SYNPO2: variants seen among roughly 807,000 people sequenced by gnomAD.
SYNPO2 encodes the protein synaptopodin 2.
SYNPO2 carries 56 observed loss-of-function variants against 85.0 expected under a neutral mutation model. The observed-to-expected ratio is 0.66, with a 90% CI of 0.53 to 0.82. SYNPO2 has a LOEUF of 0.82. Ranked by LOEUF, SYNPO2 falls within the 40% of genes least tolerant of loss-of-function variation. The probability of loss-of-function intolerance (pLI) is 0.00; values close to 1 mark genes in which losing one functional copy is unlikely to be tolerated. For synonymous variants in SYNPO2, 602 were observed against 591.1 expected (o/e 1.02, Z -0.27); for missense variants, 1,575 against 1,534.2 (o/e 1.03, Z -0.44).
chr4:119,013,291 T>A (rs1737401771), intron 1 of SYNPO2, among the ~76,000 whole-genome samples: 1 of 152,190 alleles, frequency 6.6e-6, no homozygotes, highest in Non-Finnish European at 1.5e-5. Context: ...GATGAAGCAG[T>A]TAAAGTTTGA....
At chr4:118,955,503 C>T (rs898791119) in intron 1 of SYNPO2, among the ~76,000 whole-genome samples, 5 of 152,030 alleles carry the variant, frequency 3.3e-5, no homozygotes, top group African/African-American at 4.8e-5. Context: ...TTGGGGTAAT[C>T]AGGGGAAGAT....
At chr4:119,020,488 T>A (rs1431328685) in intron 1 of SYNPO2, among the ~76,000 whole-genome samples, 1 of 152,180 alleles carries the variant, frequency 6.6e-6, no homozygotes, top group African/African-American at 2.4e-5. Flanking sequence ...GATTATTTAT[T>A]TTTAAAGAAT....
At chr4:119,035,136 G>C (rs1738454910) in intron 4 of SYNPO2, 1 of 985,424 alleles carries the variant, frequency 1.0e-6, no homozygotes, top group Non-Finnish European at 1.2e-6. Context: ...ACAGGCACTG[G>C]AATATAAATG....
chr4:119,032,666 A>G, intron 4 of SYNPO2: 1 of 985,538 alleles, frequency 1.0e-6, no homozygotes, highest in Non-Finnish European at 1.2e-6. Context: ...AGCACTTATT[A>G]TGTATTAGGT....
intron 4 of SYNPO2, chr4:119,043,091 G>GTTTTGTTTTT (rs2149197577): frequency 6.6e-6 from 1 of 152,556 alleles, no homozygotes; most frequent in South Asian, 2.1e-4. Context: ...GTTTTGTTTT[G>GTTTTGTTTTT]TTTTGTTTTT....
chr4:119,029,188 T>C (rs1210766902), intron 3 of SYNPO2, among the ~76,000 whole-genome samples: 1 of 152,118 alleles, frequency 6.6e-6, no homozygotes, highest in East Asian at 1.9e-4. Context: ...TAATGTCATA[T>C]TTTGAATTTT....
intron 1 of SYNPO2, among the ~76,000 whole-genome samples, chr4:118,990,811 G>GT (rs1224778786): frequency 1.3e-5 from 2 of 152,112 alleles, no homozygotes; most frequent in Non-Finnish European, 2.9e-5. Context: ...GTTTTACCAT[G>GT]TTGCCCAGGC....
At chr4:118,876,593 T>TTTCC (rs976343956) in intron 1 of SYNPO2, among the ~76,000 whole-genome samples, 4 of 152,038 alleles carry the variant, frequency 2.6e-5, no homozygotes, top group Non-Finnish European at 4.4e-5. Context: ...TTCAGATACT[T>TTTCC]TTCCTTCCCT....
At chr4:118,980,698 A>G (rs1014936721) in intron 1 of SYNPO2, among the ~76,000 whole-genome samples, 1 of 152,238 alleles carries the variant, frequency 6.6e-6, no homozygotes, top group Admixed American at 6.5e-5. Context: ...AGTAGCTGGA[A>G]AAGAAGCACA....
chr4:119,030,143 C>A lies in SYNPO2; in HGVS notation c.1368C>A (p.Asn456Lys). 1 of 1,614,102 alleles carries A rather than the reference C, an allele frequency of 6.2e-7. No individual in the cohort carries two copies. Among genetic ancestry groups the A allele is most frequent in the East Asian group, 2.2e-5 (1 of 44,870 alleles). ...AGTTATTGTCTGACGTTGACGACAACACACAAGTTGTGAACTTTGACTGGG... is the reference window on the plus strand; with the variant it reads ...AGTTATTGTCTGACGTTGACGACAAAACACAAGTTGTGAACTTTGACTGGG... ...DEELLSDVDD[N>K]TQVVNFDWDS... The change falls in exon 4 of 5, where the codon AAC (asparagine) becomes AAA (lysine). Residue 456 changes from asparagine (N) to lysine (K), a missense_variant. Asn to Lys is a moderately conservative substitution (Grantham distance 94, BLOSUM62 0). Transcript: ENST00000307142.
In SYNPO2 at chr4:119,027,387, C is replaced by T; in HGVS notation, c.1018C>T (p.Arg340Cys). ...AGGCACAGAGCAGGGAGAAGATCCACGCTCGGAAAAAGATCACAGCAGACC... is the reference window on the plus strand; with the variant it reads ...AGGCACAGAGCAGGGAGAAGATCCATGCTCGGAAAAAGATCACAGCAGACC... ...SEGTEQGEDP[R>C]SEKDHSRPHK... Residue 340 changes from arginine (R) to cysteine (C), a missense_variant, in exon 3 of 5, where the codon CGC (arginine) becomes TGC (cysteine). By Grantham distance (180) the Arg-to-Cys change is radical. Around this residue, in one of 3 missense-constraint regions of SYNPO2, gnomAD observed 1,508 missense variants for 1,446.8 expected, o/e 1.04. Coordinates refer to ENST00000307142, the MANE Select transcript of SYNPO2 (RefSeq NM_133477.3). 1 of 1,612,724 alleles carries T rather than the reference C, an allele frequency of 6.2e-7. No individual in the cohort carries two copies. Among genetic ancestry groups the T allele is most frequent in the East Asian group, 2.2e-5 (1 of 44,824 alleles).
intron 1 of SYNPO2, among the ~76,000 whole-genome samples, chr4:119,019,802 T>A (rs941396171): frequency 2.6e-5 from 4 of 152,184 alleles, no homozygotes; most frequent in African/African-American, 7.2e-5. Flanking sequence ...CATGTCTTGT[T>A]CCCTCAGAGT....
intron 4 of SYNPO2, among the ~76,000 whole-genome samples, chr4:119,046,752 G>A (rs957374618): frequency 6.6e-6 from 1 of 152,198 alleles, no homozygotes; most frequent in African/African-American, 2.4e-5. Flanking sequence ...TGAATTGCGT[G>A]GATAACAAAA....
At chr4:119,020,156 T>TA (rs150914679) in intron 1 of SYNPO2, among the ~76,000 whole-genome samples, 6,171 of 152,104 alleles carry the variant, frequency 0.041, 306 homozygotes, top group East Asian at 0.12. Context: ...AAGAGTTCTA[T>TA]AAAAAATGGA....
chr4:118,921,837 T>G (rs1733551224), intron 1 of SYNPO2, among the ~76,000 whole-genome samples: 1 of 151,812 alleles, frequency 6.6e-6, no homozygotes, highest in African/African-American at 2.4e-5. Flanking sequence ...TCATTCTTGC[T>G]TCTCCCTCAA....
At chr4:119,018,485 C>T (rs1486898947) in intron 1 of SYNPO2, among the ~76,000 whole-genome samples, 1 of 152,004 alleles carries the variant, frequency 6.6e-6, no homozygotes, top group Non-Finnish European at 1.5e-5. Flanking sequence ...CTGGCTAGTT[C>T]TAGTTTTAAT....
At chr4:118,852,422 A>G (rs1031348169) in intron 1 of SYNPO2, among the ~76,000 whole-genome samples, 2 of 152,250 alleles carry the variant, frequency 1.3e-5, no homozygotes, top group Non-Finnish European at 2.9e-5. Flanking sequence ...ACGCACACGT[A>G]TGTTCATTAC....
intron 4 of SYNPO2, among the ~76,000 whole-genome samples, chr4:119,047,368 ATT>A: frequency 6.6e-6 from 1 of 152,214 alleles, no homozygotes; most frequent in East Asian, 1.9e-4. Flanking sequence ...CCATGAAACT[ATT>A]TAAACAACAT....
At chr4:119,037,383 G>A in intron 4 of SYNPO2, 2 of 1,184,164 alleles carry the variant, frequency 1.7e-6, no homozygotes, top group South Asian at 3.7e-5. Flanking sequence ...GCCCTGAGTT[G>A]AAAAAAAAAA....
Sources: gnomAD v4.1 joint callset for allele counts (sites outside exome capture counted in the v4.1 genomes callset) on GRCh38, gnomAD v4.1.1 for gene constraint, gnomAD v4.1.1 regional missense constraint, MANE v1.5 for transcripts, NCBI Gene and HGNC (gene_info 2026-07-23, HGNC 2026-07-21) for gene names.